The following DNM2 variants were observed in gnomAD, a reference collection of about 807,000 sequenced individuals.
The protein encoded by DNM2 is dynamin 2.
A neutral mutation model predicts 99.0 loss-of-function variants in DNM2; 15 were observed. That is an observed-to-expected ratio of 0.15 (90% CI 0.10 to 0.23). The LOEUF is 0.23. DNM2 is among the 10% of genes least tolerant of loss of function. DNM2 has a pLI of 1.00. For synonymous variants in DNM2, 525 were observed against 481.2 expected (o/e 1.09, Z -1.19); for missense variants, 742 against 1,189.4 (o/e 0.62, Z 5.53).
At position 10,719,141 on chromosome 19, in the gene DNM2, T is replaced by TTCCGTGTGAA. The variant is rs1276049135; in HGVS notation, c.161+740_161+749dup. 3.9e-5 allele frequency among the ~76,000 whole-genome samples: 6 copies of TTCCGTGTGAA among 151,922 alleles called. No individual in the cohort carries two copies. In the East Asian group the frequency reaches 9.7e-4, roughly 25 times the overall value. On this transcript the variant is annotated intron_variant, in intron 1 of 20. Transcript: ENST00000389253. ...TTCCTGGCTAGCGCTGGCTCCTCTC[T>TTCCGTGTGAA]TCCGTGTGAATTCTTCTGTCTGTCT... is the stretch of plus-strand genomic sequence containing the variant.
intron 5 of DNM2, chr19:10,781,600 G>T (rs1466098821): frequency 6.6e-6 from 1 of 152,190 alleles, no homozygotes; most frequent in Non-Finnish European, 1.5e-5. Flanking sequence ...GGCCAACATG[G>T]TGAAACCCCG....
Position 10,786,015 on chromosome 19 carries a change from G to A in DNM2, c.850-549G>A, listed in dbSNP as rs147502692. On this transcript the variant is annotated intron_variant, in intron 6 of 20. Transcript: ENST00000389253. ...GGGTTTCATTGTGTTGGCCAGGCTG[G>A]TCTCGATCTCTTGATCTTAAGTGAT... Among the ~76,000 whole-genome samples, 1,331 of 152,136 alleles carry A rather than the reference G, an allele frequency of 8.7e-3. 10 individuals carry two copies. Among genetic ancestry groups the A allele is most frequent in the Non-Finnish European group, 0.015 (1,012 of 67,986 alleles).
chr19:10,744,104 G>A (rs1220071179), intron 1 of DNM2, among the ~76,000 whole-genome samples: 1 of 152,008 alleles, frequency 6.6e-6, no homozygotes, highest in Non-Finnish European at 1.5e-5. Context: ...GTTGCAATGA[G>A]CCAAGATCCT....
intron 6 of DNM2, among the ~76,000 whole-genome samples, chr19:10,784,079 G>A (rs1027760363): frequency 5.3e-5 from 8 of 152,174 alleles, no homozygotes; most frequent in African/African-American, 1.9e-4. Context: ...GTGGGCCAGT[G>A]TGTGGTAGCA....
chr19:10,809,786 A>G (rs2072476620), intron 14 of DNM2: 1 of 152,314 alleles, frequency 6.6e-6, no homozygotes, highest in African/African-American at 2.4e-5. Flanking sequence ...TCTTCTGGCA[A>G]TCCCAGGGTC....
intron 14 of DNM2, chr19:10,810,528 CCGA>C (rs1457523979): frequency 2.0e-5 from 3 of 152,628 alleles, no homozygotes; most frequent in African/African-American, 7.2e-5. Flanking sequence ...CAGCATGGCC[CCGA>C]TCAGTGCCCT....
intron 1 of DNM2, among the ~76,000 whole-genome samples, chr19:10,757,170 CT>C (rs996540089): frequency 5.9e-5 from 9 of 152,178 alleles, no homozygotes; most frequent in Admixed American, 2.6e-4. Context: ...AGCAGCGCCC[CT>C]GGGGGGTCTT....
intron 1 of DNM2, among the ~76,000 whole-genome samples, chr19:10,739,141 C>G (rs2069644615): frequency 6.6e-6 from 1 of 152,178 alleles, no homozygotes; most frequent in South Asian, 2.1e-4. Context: ...CCACTGCACT[C>G]CAGCCTGGGC....
intron 13 of DNM2, among the ~76,000 whole-genome samples, chr19:10,807,450 C>A (rs2072379305): frequency 6.6e-6 from 1 of 151,552 alleles, no homozygotes; most frequent in African/African-American, 2.4e-5. Context: ...CCATCTTGGC[C>A]AGGCTGGTCT....
In DNM2 at chr19:10,758,108, A is replaced by G. The variant is rs113087542; in HGVS notation, c.162-1630A>G. 2.0e-3 allele frequency among the ~76,000 whole-genome samples: 307 copies of G among 152,184 alleles called. 2 individuals are homozygous for G. Among genetic ancestry groups the G allele is most frequent in the African/African-American group, 7.0e-3 (291 of 41,504 alleles). Reference sequence around the variant, plus strand: ...AGCTTTCATTTTCCTTTCTGAGTGTACAGGGTGACTTCCTGTCTTCCTCCT... The same window carrying G: ...AGCTTTCATTTTCCTTTCTGAGTGTGCAGGGTGACTTCCTGTCTTCCTCCT... On this transcript the variant is annotated intron_variant, in intron 1 of 20. Transcript: ENST00000389253.
chr19:10,744,235 G>A (rs968073758), intron 1 of DNM2, among the ~76,000 whole-genome samples: 15 of 152,310 alleles, frequency 9.8e-5, no homozygotes, highest in African/African-American at 3.6e-4. Context: ...GGGGCAGGGA[G>A]CCTGGGGGAG....
intron 13 of DNM2, among the ~76,000 whole-genome samples, chr19:10,807,118 G>A (rs898700457): frequency 5.3e-5 from 8 of 152,150 alleles, no homozygotes; most frequent in African/African-American, 1.9e-4. Context: ...TGTCACCTGG[G>A]CTGCAGTGCA....
At chr19:10,803,292 G>T (rs917067399) in intron 12 of DNM2, among the ~76,000 whole-genome samples, 4 of 152,194 alleles carry the variant, frequency 2.6e-5, no homozygotes, top group Non-Finnish European at 5.9e-5. Context: ...CGGTGCACCT[G>T]ACAAAGCTGA....
At chr19:10,769,941 C>A (rs1322812227) in intron 2 of DNM2, among the ~76,000 whole-genome samples, 1 of 152,200 alleles carries the variant, frequency 6.6e-6, no homozygotes, top group Non-Finnish European at 1.5e-5. Context: ...GGCTTAGGAG[C>A]CATTACCTGA....
At chr19:10,740,520 C>T (rs964577355) in intron 1 of DNM2, among the ~76,000 whole-genome samples, 7 of 152,242 alleles carry the variant, frequency 4.6e-5, no homozygotes, top group African/African-American at 1.2e-4. Flanking sequence ...GGACTACAGG[C>T]ACCCACCACC....
chr19:10,754,840 C>T (rs78725201), intron 1 of DNM2, among the ~76,000 whole-genome samples: 7,086 of 152,234 alleles, frequency 0.047, 484 homozygotes, highest in East Asian at 0.33. Flanking sequence ...GATCCACCCA[C>T]CTTGGCCTCC....
At chr19:10,805,141 GATCT>G (rs2072288013) in intron 12 of DNM2, among the ~76,000 whole-genome samples, 1 of 152,224 alleles carries the variant, frequency 6.6e-6, no homozygotes, top group Admixed American at 6.5e-5. Context: ...GAAGAAAAGA[GATCT>G]GGGATTGTGG....
intron 12 of DNM2, among the ~76,000 whole-genome samples, chr19:10,805,604 C>G (rs765656789): frequency 7.2e-5 from 11 of 152,184 alleles, no homozygotes; most frequent in Non-Finnish European, 1.6e-4. Flanking sequence ...CCACTGCACT[C>G]ATCTTAGGCA....
chr19:10,789,753 G>T (rs531103383), intron 7 of DNM2, among the ~76,000 whole-genome samples: 2 of 152,250 alleles, frequency 1.3e-5, no homozygotes, highest in Admixed American at 1.3e-4. Context: ...ACAATCACTT[G>T]AACCTGGGAG....
Sources: gnomAD v4.1 joint callset for allele counts (sites outside exome capture counted in the v4.1 genomes callset) on GRCh38, gnomAD v4.1.1 for gene constraint, MANE v1.5 for transcripts, NCBI Gene and HGNC (gene_info 2026-07-23, HGNC 2026-07-21) for gene names.